GRM1: variants seen among roughly 807,000 people sequenced by gnomAD.
GRM1 encodes glutamate metabotropic receptor 1.
GRM1 carries 33 observed loss-of-function variants against 90.9 expected under a neutral mutation model. The observed-to-expected ratio is 0.36, with a 90% CI of 0.28 to 0.49. The LOEUF is 0.49. GRM1 is among the 20% of genes least tolerant of loss of function. The pLI is 0.99. For synonymous variants in GRM1, 700 were observed against 613.2 expected (o/e 1.14, Z -2.09); for missense variants, 1,190 against 1,534.3 (o/e 0.78, Z 3.75).
chr6:146,210,530 G>T (rs1779654292), intron 2 of GRM1, among the ~76,000 whole-genome samples: 1 of 152,048 alleles, frequency 6.6e-6, no homozygotes, highest in South Asian at 2.1e-4. Flanking sequence ...CTGCTTCTTT[G>T]TTCTTGCAAT....
intron 3 of GRM1, among the ~76,000 whole-genome samples, chr6:146,340,920 T>A (rs1192662182): frequency 6.6e-6 from 1 of 152,180 alleles, no homozygotes; most frequent in Non-Finnish European, 1.5e-5. Flanking sequence ...CTGTGTTCAG[T>A]TCAGTTGGAG....
chr6:146,370,937 A>G lies in GRM1; in HGVS notation c.1602+13243A>G, dbSNP rs564175596. On this transcript the variant is annotated intron_variant, in intron 5 of 7. Transcript: ENST00000282753. ...TTTTATGTTCTTACCATTTTATTAT[A>G]CTTTGTCGGTGATAAATTACAATGT... is the stretch of plus-strand genomic sequence containing the variant. Among the ~76,000 whole-genome samples the G allele has an allele frequency of 3.7e-4, 57 of 152,170 alleles. 1 individual carries two copies. The South Asian group carries it at 0.012, about 31-fold the overall frequency.
intron 2 of GRM1, among the ~76,000 whole-genome samples, chr6:146,303,044 C>T (rs776678139): frequency 3.6e-4 from 54 of 152,102 alleles, no homozygotes; most frequent in Non-Finnish European, 7.2e-4. Context: ...CCCTTTAGTT[C>T]TGGGTCAGGT....
At chr6:146,409,175 T>G (rs1490481244) in intron 7 of GRM1, among the ~76,000 whole-genome samples, 1 of 152,200 alleles carries the variant, frequency 6.6e-6, no homozygotes, top group African/African-American at 2.4e-5. Flanking sequence ...TCTTCTTGCC[T>G]CCTGTCTCGC....
chr6:146,236,652 TTTG>T (rs146404995), intron 2 of GRM1, among the ~76,000 whole-genome samples: 1,727 of 152,124 alleles, frequency 0.011, 72 homozygotes, highest in East Asian at 0.078. Context: ...TGAGGGAATT[TTTG>T]TTGTTGTTGT....
chr6:146,327,896 C>T (rs1028915282), intron 3 of GRM1, among the ~76,000 whole-genome samples: 3 of 151,968 alleles, frequency 2.0e-5, no homozygotes, highest in Admixed American at 6.6e-5. Flanking sequence ...TTTCGATGGG[C>T]GATTTAGGGT....
At chr6:146,112,780 A>G (rs1015358002) in intron 1 of GRM1, among the ~76,000 whole-genome samples, 1 of 152,170 alleles carries the variant, frequency 6.6e-6, no homozygotes, top group Non-Finnish European at 1.5e-5. Flanking sequence ...ATCTGAGCCA[A>G]TTCAGCTCCC....
intron 2 of GRM1, among the ~76,000 whole-genome samples, 173 bp from the exon 3 acceptor site, chr6:146,304,438 A>T (rs1000601763): frequency 1.3e-5 from 2 of 152,168 alleles, no homozygotes; most frequent in African/African-American, 4.8e-5. Flanking sequence ...CAAACAGGAT[A>T]TTATGCTTTC....
intron 2 of GRM1, among the ~76,000 whole-genome samples, chr6:146,266,732 G>A (rs1243224609): frequency 6.6e-6 from 1 of 152,130 alleles, no homozygotes; most frequent in South Asian, 2.1e-4. Context: ...TCCATTCACC[G>A]CGTGCTAACG....
chr6:146,180,607 G>T (rs1319904615), intron 2 of GRM1, among the ~76,000 whole-genome samples: 1 of 151,902 alleles, frequency 6.6e-6, no homozygotes, highest in Non-Finnish European at 1.5e-5. Flanking sequence ...TCTTCTCTTT[G>T]TCATATAGGT....
intron 1 of GRM1, among the ~76,000 whole-genome samples, chr6:146,053,155 G>T (rs1775354171): frequency 6.6e-6 from 1 of 151,896 alleles, no homozygotes; most frequent in Non-Finnish European, 1.5e-5. Flanking sequence ...TTTGTACCTA[G>T]CTTATTTCAT....
intron 1 of GRM1, among the ~76,000 whole-genome samples, chr6:146,035,162 C>T (rs1357596250): frequency 6.6e-6 from 1 of 151,822 alleles, no homozygotes; most frequent in Non-Finnish European, 1.5e-5. Flanking sequence ...AACAGATTTG[C>T]TTATCTGGAG....
At chr6:146,301,606 C>A (rs1783384488) in intron 2 of GRM1, among the ~76,000 whole-genome samples, 1 of 152,126 alleles carries the variant, frequency 6.6e-6, no homozygotes, top group Non-Finnish European at 1.5e-5. Flanking sequence ...TCAACCCTAA[C>A]CTTTATGTCA....
At chr6:146,261,183 A>G (rs1781683225) in intron 2 of GRM1, among the ~76,000 whole-genome samples, 1 of 152,148 alleles carries the variant, frequency 6.6e-6, no homozygotes, top group Non-Finnish European at 1.5e-5. Context: ...TCTGAAGGAC[A>G]GTGTTCAGGG....
intron 7 of GRM1, among the ~76,000 whole-genome samples, chr6:146,421,170 T>C (rs557546617): frequency 1.3e-5 from 2 of 152,252 alleles, no homozygotes; most frequent in South Asian, 4.1e-4. Context: ...CCAATTCTAG[T>C]TCTAAGTAAA....
At chr6:146,053,494 C>T (rs999198152) in intron 1 of GRM1, among the ~76,000 whole-genome samples, 2 of 152,038 alleles carry the variant, frequency 1.3e-5, no homozygotes, top group Non-Finnish European at 2.9e-5. Flanking sequence ...TTCAGATTAT[C>T]TATTCCAGGA....
At chr6:146,292,629 G>T (rs970974949) in intron 2 of GRM1, among the ~76,000 whole-genome samples, 1 of 151,854 alleles carries the variant, frequency 6.6e-6, no homozygotes, top group African/African-American at 2.4e-5. Context: ...AATAATTAAT[G>T]AATTTGTACA....
chr6:146,373,239 T>C (rs1479826330), intron 5 of GRM1, among the ~76,000 whole-genome samples: 1 of 152,122 alleles, frequency 6.6e-6, no homozygotes, highest in African/African-American at 2.4e-5. Context: ...GTTCTCCCAC[T>C]GCTATAAAGA....
At chr6:146,344,392 G>A (rs954845711) in intron 3 of GRM1, among the ~76,000 whole-genome samples, 7 of 152,114 alleles carry the variant, frequency 4.6e-5, no homozygotes, top group East Asian at 1.9e-4. Context: ...TGTATTTGTC[G>A]TTCTTGTTTC....
Sources: gnomAD v4.1 joint callset for allele counts (sites outside exome capture counted in the v4.1 genomes callset) on GRCh38, gnomAD v4.1.1 for gene constraint, MANE v1.5 for transcripts, NCBI Gene and HGNC (gene_info 2026-07-23, HGNC 2026-07-21) for gene names.